PTPRR: variants seen among roughly 807,000 people sequenced by gnomAD.
PTPRR encodes receptor-type tyrosine-protein phosphatase R.
Under a neutral mutation model 77.2 loss-of-function variants are expected in PTPRR, and 38 were observed. The observed-to-expected ratio is 0.49, with a 90% CI of 0.38 to 0.65. The LOEUF (loss-of-function observed/expected upper bound fraction) is 0.65, where lower values mean the gene tolerates loss of function less well. Ranked by LOEUF, PTPRR falls within the 30% of genes least tolerant of loss-of-function variation. The probability of loss-of-function intolerance (pLI) is 0.00; values close to 1 mark genes in which losing one functional copy is unlikely to be tolerated. For synonymous variants in PTPRR, 299 were observed against 283.1 expected (o/e 1.06, Z -0.57); for missense variants, 744 against 799.2 (o/e 0.93, Z 0.83).
intron 6 of PTPRR, among the ~76,000 whole-genome samples, chr12:70,733,324 A>G (rs946097836): frequency 2.6e-5 from 4 of 151,622 alleles, no homozygotes; most frequent in Non-Finnish European, 5.9e-5. Context: ...AAGCTGTTTC[A>G]TCACTACACT....
chr12:70,758,730 A>T (rs528161970), intron 4 of PTPRR, among the ~76,000 whole-genome samples: 1 of 152,174 alleles, frequency 6.6e-6, no homozygotes, highest in Non-Finnish European at 1.5e-5. Context: ...TCTCTAAAGC[A>T]TAAGGGGTCT....
At chr12:70,861,805 C>A (rs148918771) in intron 2 of PTPRR, among the ~76,000 whole-genome samples, 66 of 152,248 alleles carry the variant, frequency 4.3e-4, no homozygotes, top group Middle Eastern at 6.8e-3. Flanking sequence ...TTCATCCAAG[C>A]ACAACACTGT....
intron 10 of PTPRR, among the ~76,000 whole-genome samples, chr12:70,682,800 A>G (rs1460998491): frequency 6.6e-6 from 1 of 152,196 alleles, no homozygotes; most frequent in East Asian, 1.9e-4. Flanking sequence ...AGCTGAGAAT[A>G]TTAGGGGTTA....
intron 6 of PTPRR, among the ~76,000 whole-genome samples, chr12:70,710,841 A>G (rs920871755): frequency 2.0e-5 from 3 of 152,326 alleles, no homozygotes; most frequent in East Asian, 1.9e-4. Flanking sequence ...AATCAAAACC[A>G]TAATGAGATA....
At chr12:70,741,468 C>A (rs1168051842) in intron 6 of PTPRR, among the ~76,000 whole-genome samples, 2 of 152,154 alleles carry the variant, frequency 1.3e-5, no homozygotes, top group East Asian at 1.9e-4. Flanking sequence ...TGCTTGAATG[C>A]CCCTCCCTGT....
intron 2 of PTPRR, among the ~76,000 whole-genome samples, chr12:70,870,077 A>T (rs1312297243): frequency 6.6e-6 from 1 of 152,080 alleles, no homozygotes; most frequent in Non-Finnish European, 1.5e-5. Flanking sequence ...GAGCTCCTTG[A>T]CCCTGAAGGA....
intron 2 of PTPRR, among the ~76,000 whole-genome samples, chr12:70,827,928 C>G (rs1892143791): frequency 6.6e-6 from 1 of 151,894 alleles, no homozygotes; most frequent in Admixed American, 6.6e-5. Flanking sequence ...ACCATGTTGG[C>G]CAGTCTCACT....
intron 13 of PTPRR, among the ~76,000 whole-genome samples, chr12:70,640,490 C>T (rs933145453): frequency 1.3e-5 from 2 of 152,142 alleles, no homozygotes; most frequent in African/African-American, 2.4e-5. Flanking sequence ...GATTTTTTAG[C>T]TTGACAAAGT....
chr12:70,861,750 T>C (rs1892757094), intron 2 of PTPRR, among the ~76,000 whole-genome samples: 1 of 152,224 alleles, frequency 6.6e-6, no homozygotes. Context: ...CTAAGGGAGT[T>C]ATGATATTGT....
chr12:70,761,513 A>G lies in PTPRR; in HGVS notation c.585T>C (p.His195=), dbSNP rs781225958. Residue 195 remains histidine, a synonymous_variant, in exon 4 of 14, where the codon CAT becomes CAC. Transcript: ENST00000283228. ...TAATTCCAAACTGGGATAAACTTTG[A>G]TGCAAAACATTGATATTAAGTGAAC... ...VLRSLNINVL[H]QSLSQFGITE... is the part of the protein sequence containing the mutation. The G allele has an allele frequency of 1.9e-6, 3 of 1,610,808 alleles. No homozygotes were observed. The highest frequency in any genetic ancestry group is 2.2e-5 in the South Asian group (2 of 90,236).
rs979609637 is a variant in PTPRR at position 70,917,509 on chromosome 12, A to G, written c.58+2824T>C. On this transcript the variant is annotated intron_variant, in intron 1 of 13. Transcript: ENST00000283228. The stretch of plus-strand genomic sequence containing the variant: ...AGGTGATCTATAAAAATCGGCTGCC[A>G]TGGGTAGAGTAGTGTCCAGCTTCTC... Among the ~76,000 whole-genome samples, 4 of 152,272 alleles carry G rather than the reference A, an allele frequency of 2.6e-5. No homozygotes were observed. The South Asian group carries it at 6.2e-4, about 24-fold the overall frequency.
intron 12 of PTPRR, 90 bp downstream of exon 12, chr12:70,660,850 C>T: frequency 7.8e-7 from 1 of 1,283,814 alleles, no homozygotes; most frequent in Non-Finnish European, 1.0e-6. Context: ...AACAAAGTCA[C>T]ATCCAGGAAG....
intron 2 of PTPRR, among the ~76,000 whole-genome samples, chr12:70,876,691 T>G (rs1418117175): frequency 6.6e-6 from 1 of 152,240 alleles, no homozygotes; most frequent in Non-Finnish European, 1.5e-5. Flanking sequence ...TTACTTGATC[T>G]TCCCTAATAA....
rs182030757 is a variant in PTPRR at position 70,761,456 on chromosome 12, C to A, written c.627+15G>T. On this transcript the variant is annotated intron_variant, in intron 4 of 13. Transcript: ENST00000283228. Reference sequence around the variant, plus strand: ...GTTCACATTTTTAAATGAATTGTTTCGTGCAACAACATACCTCAGGAGAGA... The same window carrying A: ...GTTCACATTTTTAAATGAATTGTTTAGTGCAACAACATACCTCAGGAGAGA... 3 of 1,547,710 alleles carry A rather than the reference C, an allele frequency of 1.9e-6. No homozygotes were observed. The highest frequency in any genetic ancestry group is 2.7e-5 in the African/African-American group (2 of 72,834).
chr12:70,830,131 C>A (rs547974336), intron 2 of PTPRR, among the ~76,000 whole-genome samples: 1 of 152,062 alleles, frequency 6.6e-6, no homozygotes, highest in Non-Finnish European at 1.5e-5. Context: ...CGTGCTCCTG[C>A]GGCAGTATTA....
chr12:70,673,039 AAAAAAAAAAAG>A (rs887904060), intron 10 of PTPRR: 45 of 1,131,458 alleles, frequency 4.0e-5, no homozygotes, highest in African/African-American at 2.7e-4. Context: ...AGCAAAAAAA[AAAAAAAAAAAG>A]AAAGAAAGAA....
chr12:70,728,795 C>T (rs1371979661), intron 6 of PTPRR, among the ~76,000 whole-genome samples: 3 of 151,998 alleles, frequency 2.0e-5, no homozygotes, highest in Non-Finnish European at 4.4e-5. Context: ...GTCCACACAA[C>T]ACTAAAGAGG....
intron 2 of PTPRR, among the ~76,000 whole-genome samples, chr12:70,868,875 T>C (rs1565724379): frequency 2.0e-5 from 3 of 151,822 alleles, no homozygotes; most frequent in African/African-American, 4.8e-5. Context: ...TGAGTTCATG[T>C]CCTTTGTAGG....
chr12:70,661,331 C>T (rs945994702), intron 11 of PTPRR: 5 of 550,416 alleles, frequency 9.1e-6, no homozygotes, highest in Non-Finnish European at 1.6e-5. Flanking sequence ...ACATCTCTAC[C>T]TATAGTTATA....
Sources: allele counts gnomAD v4.1 joint callset (sites outside exome capture counted in the v4.1 genomes callset), GRCh38; gene constraint gnomAD v4.1.1; transcripts MANE v1.5; gene names NCBI Gene and HGNC (gene_info 2026-07-23, HGNC 2026-07-21).